The following KCNH7 variants were observed in gnomAD, a reference collection of about 807,000 sequenced individuals.
KCNH7 encodes potassium voltage-gated channel subfamily H member 7.
KCNH7 carries 49 observed loss-of-function variants against 120.8 expected under a neutral mutation model. The observed-to-expected ratio is 0.41, with a 90% CI of 0.32 to 0.51. The LOEUF is 0.51. KCNH7 is among the 20% of genes least tolerant of loss of function. The probability of loss-of-function intolerance (pLI) is 0.38; values close to 1 mark genes in which losing one functional copy is unlikely to be tolerated. For missense variants in KCNH7, 1,097 were observed against 1,446.6 expected, an observed-to-expected ratio of 0.76 and a Z score of 3.92; for synonymous variants, 547 against 516.1, an observed-to-expected ratio of 1.06 and a Z score of -0.81.
At chr2:162,756,827 T>A (rs917633468) in intron 2 of KCNH7, among the ~76,000 whole-genome samples, 3 of 152,182 alleles carry the variant, frequency 2.0e-5, no homozygotes, top group African/African-American at 7.2e-5. Context: ...CAATTTAGCT[T>A]ATACACAGGG....
intron 2 of KCNH7, among the ~76,000 whole-genome samples, chr2:162,600,413 A>G (rs1236437996): frequency 6.6e-6 from 1 of 152,062 alleles, no homozygotes; most frequent in Non-Finnish European, 1.5e-5. Flanking sequence ...AAAAAACCAG[A>G]TAATTTGGGG....
rs760572122 is a variant in KCNH7 at position 162,400,207 on chromosome 2, T to C, written c.2389A>G (p.Ile797Val). Residue 797 changes from isoleucine to valine, a missense_variant, in exon 10 of 16, where the codon ATT becomes GTT. Physicochemically the swap from Ile to Val is conservative, Grantham distance 29. This residue lies in a region of KCNH7 where 101 missense variants were observed against 176.3 expected (regional missense o/e 0.57). Transcript: ENST00000332142. ...RGSIEILKDD[I>V]VVAILGKNDI... is the part of the protein sequence containing the mutation. ...CACTCACCCAGAATAGCCACCACAA[T>C]GTCATCTTTGAGAATTTCAATGGAG... 3 of 1,611,958 alleles carry C rather than the reference T, an allele frequency of 1.9e-6. No homozygotes were observed. The highest frequency in any genetic ancestry group is 1.1e-5 in the South Asian group (1 of 91,026).
intron 2 of KCNH7, among the ~76,000 whole-genome samples, chr2:162,729,084 C>A (rs1434510598): frequency 6.6e-6 from 1 of 151,644 alleles, no homozygotes; most frequent in Non-Finnish European, 1.5e-5. Context: ...TACCTTGGCC[C>A]ATATATATGT....
At position 162,535,726 on chromosome 2, in the gene KCNH7, C is replaced by T. The variant is rs187330750; in HGVS notation, c.463+1199G>A. 3.2e-3 allele frequency among the ~76,000 whole-genome samples: 491 copies of T among 151,644 alleles called. 6 individuals carry two copies. Among genetic ancestry groups the T allele is most frequent in the African/African-American group, 0.011 (474 of 41,444 alleles). On this transcript the variant is annotated intron_variant, in intron 3 of 15. Coordinates refer to ENST00000332142, the MANE Select transcript of KCNH7 (RefSeq NM_033272.4). ...ACATGGAAAATTAATCAAAAAATAACCTCAACCTTCTGAAAATTAATATCG... is the reference window on the plus strand; with the variant it reads ...ACATGGAAAATTAATCAAAAAATAATCTCAACCTTCTGAAAATTAATATCG...
chr2:162,558,396 G>A (rs1197787251), intron 2 of KCNH7, among the ~76,000 whole-genome samples: 1 of 151,474 alleles, frequency 6.6e-6, no homozygotes, highest in African/African-American at 2.4e-5. Flanking sequence ...GGATGGTCTC[G>A]ATCTCCTGAC....
rs754440662 is a variant in KCNH7, at chr2:162,518,027, G to T, written c.595C>A (p.His199Asn). The change falls in exon 4 of 16, where the codon CAT becomes AAT. Residue 199 changes from histidine (H) to asparagine (N), a missense_variant. This residue lies in a region of KCNH7 where 362 missense variants were observed against 372.2 expected (regional missense o/e 0.97). Transcript: ENST00000332142. The part of the protein sequence containing the change: ...KHSDDSVAMK[H>N]FKSPTKESCS... ...CTTTCTTTTGTAGGAGACTTAAAATGCTTCATGGCTACTGAATCATCACTG... is the reference window on the plus strand; with the variant it reads ...CTTTCTTTTGTAGGAGACTTAAAATTCTTCATGGCTACTGAATCATCACTG... 2.5e-6 allele frequency: 4 copies of T among 1,612,468 alleles called. No homozygotes were observed. Among genetic ancestry groups the T allele is most frequent in the East Asian group, 4.5e-5 (2 of 44,770 alleles).
At chr2:162,603,343 A>C (rs962655912) in intron 2 of KCNH7, among the ~76,000 whole-genome samples, 1 of 152,068 alleles carries the variant, frequency 6.6e-6, no homozygotes, top group Non-Finnish European at 1.5e-5. Flanking sequence ...CTGTGAGGGT[A>C]TTAATGTTGT....
chr2:162,494,547 A>C (rs752059264), intron 6 of KCNH7, among the ~76,000 whole-genome samples: 1 of 152,174 alleles, frequency 6.6e-6, no homozygotes, highest in Non-Finnish European at 1.5e-5. Context: ...TGGGATGTCT[A>C]AAATTCTAAT....
At chr2:162,759,681 A>ACAGG (rs924548457) in intron 2 of KCNH7, among the ~76,000 whole-genome samples, 24 of 151,922 alleles carry the variant, frequency 1.6e-4, no homozygotes, top group African/African-American at 5.8e-4. Flanking sequence ...GAACATGACA[A>ACAGG]CAGGCAGGCA....
intron 2 of KCNH7, among the ~76,000 whole-genome samples, chr2:162,732,751 C>A (rs1214438332): frequency 6.6e-6 from 1 of 152,178 alleles, no homozygotes; most frequent in African/African-American, 2.4e-5. Flanking sequence ...TAGCTCTTTA[C>A]AAGTTTTGGG....
intron 2 of KCNH7, among the ~76,000 whole-genome samples, chr2:162,543,544 G>A (rs141325841): frequency 2.0e-5 from 3 of 152,198 alleles, no homozygotes; most frequent in African/African-American, 2.4e-5. Flanking sequence ...TGCCAACAGT[G>A]TGAATAATTT....
intron 2 of KCNH7, among the ~76,000 whole-genome samples, chr2:162,610,950 T>TG (rs1229163428): frequency 6.6e-6 from 1 of 152,168 alleles, no homozygotes; most frequent in African/African-American, 2.4e-5. Context: ...GTTAGGTTAA[T>TG]GAGGACAGAA....
In KCNH7 at chr2:162,435,217, A is replaced by T. The variant is rs1333866437; in HGVS notation, c.1935T>A (p.Ile645=). The part of the protein sequence containing the change: ...PNTNSEKIFS[I]CVMLIGSLMY... Reference sequence around the variant, plus strand: ...ACTTACAGCCAATCAACATGACACAAATTGAAAAGATTTTCTCCGAATTCG... The same window carrying T: ...ACTTACAGCCAATCAACATGACACATATTGAAAAGATTTTCTCCGAATTCG... The change falls in exon 8 of 16, where the codon ATT becomes ATA. Residue 645 remains isoleucine, a synonymous_variant. Coordinates refer to ENST00000332142, the MANE Select transcript of KCNH7 (RefSeq NM_033272.4). 11 of 1,612,934 alleles carry T rather than the reference A, an allele frequency of 6.8e-6. No homozygotes were observed. The highest frequency in any genetic ancestry group is 8.5e-6 in the Non-Finnish European group (10 of 1,179,364).
At chr2:162,428,040 G>A (rs76762278) in intron 8 of KCNH7, among the ~76,000 whole-genome samples, 3,021 of 151,544 alleles carry the variant, frequency 0.02, 210 homozygotes, top group Admixed American at 0.15. Flanking sequence ...TCTTCCAGTT[G>A]TATTAGGTTT....
intron 2 of KCNH7, among the ~76,000 whole-genome samples, chr2:162,589,841 T>A (rs1030607677): frequency 1.3e-5 from 2 of 152,154 alleles, no homozygotes; most frequent in African/African-American, 2.4e-5. Flanking sequence ...AAGTACTATG[T>A]CTGCTACTAA....
chr2:162,719,917 A>C (rs1407937364), intron 2 of KCNH7, among the ~76,000 whole-genome samples: 2 of 152,056 alleles, frequency 1.3e-5, no homozygotes, highest in Non-Finnish European at 2.9e-5. Flanking sequence ...ATTTGTGGTT[A>C]TGTTTAATCA....
intron 6 of KCNH7, among the ~76,000 whole-genome samples, chr2:162,503,345 C>T (rs1217499496): frequency 6.6e-6 from 1 of 151,894 alleles, no homozygotes; most frequent in Non-Finnish European, 1.5e-5. Context: ...ATGTGCGTAA[C>T]AGTAAACTGT....
chr2:162,715,459 A>C (rs1687084486), intron 2 of KCNH7, among the ~76,000 whole-genome samples: 1 of 152,178 alleles, frequency 6.6e-6, no homozygotes, highest in East Asian at 1.9e-4. Flanking sequence ...ACAAATATCC[A>C]AACTATATCA....
intron 2 of KCNH7, among the ~76,000 whole-genome samples, chr2:162,666,507 C>T (rs1685138388): frequency 2.0e-5 from 3 of 152,202 alleles, no homozygotes; most frequent in East Asian, 1.9e-4. Flanking sequence ...CTTGATCTCT[C>T]CTGAGACTAT....
Sources: allele counts gnomAD v4.1 joint callset (sites outside exome capture counted in the v4.1 genomes callset), GRCh38; gene constraint gnomAD v4.1.1; regional missense constraint gnomAD v4.1.1; transcripts MANE v1.5; gene names NCBI Gene and HGNC (gene_info 2026-07-23, HGNC 2026-07-21).